Variants in TMEM154 observed in about 807,000 individuals in gnomAD.
The protein encoded by TMEM154 is transmembrane protein 154.
Under a neutral mutation model 24.5 loss-of-function variants are expected in TMEM154, and 27 were observed. That is an observed-to-expected ratio of 1.10 (90% CI 0.81 to 1.52). TMEM154 has a LOEUF of 1.52. Ranked by LOEUF, TMEM154 falls within the 40% of genes most tolerant of loss-of-function variation. The probability of loss-of-function intolerance (pLI) is 0.00; values close to 1 mark genes in which losing one functional copy is unlikely to be tolerated. For missense variants in TMEM154, 228 were observed against 213.4 expected, an observed-to-expected ratio of 1.07 and a Z score of -0.43; for synonymous variants, 67 against 76.8, an observed-to-expected ratio of 0.87 and a Z score of 0.67.
intron 5 of TMEM154, chr4:152,641,260 C>A: frequency 2.7e-6 from 1 of 370,592 alleles, no homozygotes; most frequent in Non-Finnish European, 4.8e-6. Flanking sequence ...CTGCAGCACC[C>A]CAGTGCTCCA....
chr4:152,656,798 G>C (rs1007749333), intron 1 of TMEM154, among the ~76,000 whole-genome samples: 1 of 152,024 alleles, frequency 6.6e-6, no homozygotes, highest in East Asian at 1.9e-4. Flanking sequence ...GTGCATGCCT[G>C]TAATCCCAGT....
chr4:152,666,585 T>A (rs1728727702), intron 1 of TMEM154: 1 of 152,212 alleles, frequency 6.6e-6, no homozygotes, highest in East Asian at 1.9e-4. Context: ...GTGCCAGGAT[T>A]ACAGGTATGA....
chr4:152,664,179 G>A (rs567067054), intron 1 of TMEM154, among the ~76,000 whole-genome samples: 1 of 152,296 alleles, frequency 6.6e-6, no homozygotes, highest in Non-Finnish European at 1.5e-5. Flanking sequence ...ATACACCGTG[G>A]AATACTATGC....
chr4:152,668,469 G>C (rs897377462), intron 1 of TMEM154: 2 of 152,090 alleles, frequency 1.3e-5, no homozygotes, highest in Admixed American at 6.6e-5. Context: ...CTTGCCTCAA[G>C]ACATCTGCCG....
intron 6 of TMEM154, among the ~76,000 whole-genome samples, chr4:152,628,891 C>T (rs943660694): frequency 1.3e-5 from 2 of 151,684 alleles, no homozygotes; most frequent in Admixed American, 1.3e-4. Context: ...GTGATCTGCC[C>T]ACCTTGACCT....
intron 6 of TMEM154, among the ~76,000 whole-genome samples, chr4:152,633,611 G>T (rs947841287): frequency 6.6e-6 from 1 of 152,098 alleles, no homozygotes; most frequent in Non-Finnish European, 1.5e-5. Context: ...AGCAGTTTTG[G>T]TAACTTAACT....
At chr4:152,673,529 G>A (rs1315829364) in intron 1 of TMEM154, among the ~76,000 whole-genome samples, 1 of 152,162 alleles carries the variant, frequency 6.6e-6, no homozygotes, top group Non-Finnish European at 1.5e-5. Context: ...TCGAACTCCT[G>A]ACCTCAAGTG....
intron 3 of TMEM154, chr4:152,647,219 C>CT (rs142468529): frequency 0.53 from 525,927 of 983,132 alleles, 141,809 homozygotes; most frequent in African/African-American, 0.64. Context: ...CTGCTTCTAA[C>CT]TTCCCAGGGG....
At chr4:152,678,482 A>T (rs921631725) in intron 1 of TMEM154, among the ~76,000 whole-genome samples, 3 of 141,824 alleles carry the variant, frequency 2.1e-5, no homozygotes, top group African/African-American at 5.3e-5. Flanking sequence ...CCTACTACGA[A>T]AGGTTCCAGA....
In TMEM154 at chr4:152,624,231, T is replaced by G. The variant is rs1476021193; in HGVS notation, c.*4315A>C. Reference sequence around the variant, plus strand: ...AAGCTCTATTTTACATAATTGTATATACTGCTATCTCAGGAACATGATATG... The same window carrying G: ...AAGCTCTATTTTACATAATTGTATAGACTGCTATCTCAGGAACATGATATG... On this transcript the variant is annotated 3_prime_UTR_variant, in exon 7 of 7. Transcript: ENST00000304385. 1 of 152,194 alleles carries G rather than the reference T, an allele frequency of 6.6e-6. No homozygotes were observed. Among genetic ancestry groups the G allele is most frequent in the Non-Finnish European group, 1.5e-5 (1 of 68,036 alleles). The allele number at this position is 152,194 out of a possible 1,614,324, so 9.4% of individuals were successfully genotyped here. A position where few individuals can be genotyped will look rare whatever the true frequency, so the allele number is the denominator to read the frequency against.
At chr4:152,669,671 A>G (rs1398121430) in intron 1 of TMEM154, 1 of 152,236 alleles carries the variant, frequency 6.6e-6, no homozygotes, top group Admixed American at 6.5e-5. Context: ...AAATGAATGC[A>G]TTTAGTGTTG....
chr4:152,649,986 C>T lies in TMEM154; in HGVS notation c.364+2552G>A, dbSNP rs72960612. Among the ~76,000 whole-genome samples, 660 of 152,330 alleles carry T rather than the reference C, an allele frequency of 4.3e-3. 4 individuals are homozygous for T. Among genetic ancestry groups the T allele is most frequent in the African/African-American group, 0.014 (581 of 41,576 alleles). ...AATGTATATACCTTAATTTAAAATACTTCATTGCTAGAAAATGCTAACGAT... is the reference window on the plus strand; with the variant it reads ...AATGTATATACCTTAATTTAAAATATTTCATTGCTAGAAAATGCTAACGAT... On this transcript the variant is annotated intron_variant, in intron 3 of 6. Transcript: ENST00000304385.
intron 1 of TMEM154, among the ~76,000 whole-genome samples, chr4:152,674,503 G>C (rs1305181747): frequency 4.6e-5 from 7 of 152,080 alleles, no homozygotes; most frequent in Non-Finnish European, 7.4e-5. Context: ...ACCTACTTCT[G>C]GCGCCTGGCT....
At chr4:152,649,294 A>C (rs1728328096) in intron 3 of TMEM154, among the ~76,000 whole-genome samples, 1 of 152,264 alleles carries the variant, frequency 6.6e-6, no homozygotes, top group African/African-American at 2.4e-5. Flanking sequence ...TTTAACTTAA[A>C]AATCGAATCC....
At chr4:152,634,031 C>CAAAAAAA (rs1167923301) in intron 6 of TMEM154, among the ~76,000 whole-genome samples, 2 of 20,400 alleles carry the variant, frequency 9.8e-5, no homozygotes, top group East Asian at 1.7e-3. Flanking sequence ...GACCCCATCT[C>CAAAAAAA]AAAAAAAAAA....
intron 6 of TMEM154, 136 bp from the exon 7 acceptor site, chr4:152,628,697 C>T (rs1264902906): frequency 8.7e-7 from 1 of 1,143,204 alleles, no homozygotes; most frequent in Non-Finnish European, 1.2e-6. Flanking sequence ...AGCGCAGTGG[C>T]ACAATCTCGG....
At chr4:152,656,233 C>T (rs1453081578) in intron 1 of TMEM154, among the ~76,000 whole-genome samples, 1 of 152,186 alleles carries the variant, frequency 6.6e-6, no homozygotes, top group Admixed American at 6.5e-5. Context: ...ATCTGCCTAC[C>T]TGCCTGGCTA....
intron 1 of TMEM154, among the ~76,000 whole-genome samples, chr4:152,664,696 G>A (rs1038408442): frequency 6.6e-6 from 1 of 152,202 alleles, no homozygotes; most frequent in Admixed American, 6.5e-5. Context: ...AACTCAGGAT[G>A]TCATGAAGTA....
At chr4:152,671,392 G>C (rs1728833376) in intron 1 of TMEM154, among the ~76,000 whole-genome samples, 1 of 152,116 alleles carries the variant, frequency 6.6e-6, no homozygotes, top group South Asian at 2.1e-4. Flanking sequence ...CATCACTCTG[G>C]AGGTTATGTG....
Sources: allele counts gnomAD v4.1 joint callset (sites outside exome capture counted in the v4.1 genomes callset), GRCh38; gene constraint gnomAD v4.1.1; transcripts MANE v1.5; gene names NCBI Gene and HGNC (gene_info 2026-07-23, HGNC 2026-07-21).